Variants in CACNA1E observed in about 807,000 individuals in gnomAD.
CACNA1E encodes the protein calcium voltage-gated channel subunit alpha1 E.
In CACNA1E, 40 loss-of-function variants were observed where a neutral mutation model predicts 259.2. The ratio of observed to expected loss-of-function variants is 0.15; its 90% CI spans 0.12 to 0.20. The LOEUF (loss-of-function observed/expected upper bound fraction) is 0.20. Among genes scored for constraint, CACNA1E ranks in the 10% least tolerant of loss-of-function variants. The pLI, the probability that CACNA1E is intolerant of heterozygous loss-of-function variation, is 1.00. For synonymous variants in CACNA1E, 1,104 were observed against 1,138.5 expected (o/e 0.97, Z 0.61); for missense variants, 1,874 against 3,040.1 (o/e 0.62, Z 9.02).
intron 1 of CACNA1E, among the ~76,000 whole-genome samples, chr1:181,489,513 A>G (rs1664133095): frequency 1.3e-5 from 2 of 152,148 alleles, no homozygotes; most frequent in South Asian, 4.1e-4. Flanking sequence ...GAAGCTGGGG[A>G]GAAATCTTGT....
At chr1:181,654,791 TG>T (rs1328371223) in intron 7 of CACNA1E, among the ~76,000 whole-genome samples, 1 of 152,094 alleles carries the variant, frequency 6.6e-6, no homozygotes, top group Non-Finnish European at 1.5e-5. Flanking sequence ...GAGACCATCC[TG>T]GCTAACACAG....
At chr1:181,467,958 A>G (rs1662255094) in intron 2 of CACNA1E, among the ~76,000 whole-genome samples, 1 of 152,196 alleles carries the variant, frequency 6.6e-6, no homozygotes, top group Non-Finnish European at 1.5e-5. Flanking sequence ...CTACAGTGCA[A>G]GGGCATCCCC....
intron 2 of CACNA1E, among the ~76,000 whole-genome samples, chr1:181,452,970 T>C (rs971709819): frequency 3.3e-5 from 5 of 152,218 alleles, no homozygotes; most frequent in African/African-American, 1.2e-4. Context: ...CAGACATGCA[T>C]TGTTGCTGAC....
intron 15 of CACNA1E, 84 bp downstream of exon 15, chr1:181,720,939 A>G (rs1477625725): frequency 2.2e-6 from 2 of 907,740 alleles, no homozygotes; most frequent in Non-Finnish European, 1.8e-6. Flanking sequence ...TTTCAGGATA[A>G]TTCTGCTTTT....
rs1444775752 is a variant in CACNA1E, at chr1:181,776,629, TTC to T, written c.5267+405_5267+406del. Reference sequence around the variant, plus strand: ...GGCCACCATGATCAGTGACTGTGTTTTCTCTTTCTCGTTCCTCTCAACAGATA... The same window carrying T: ...GGCCACCATGATCAGTGACTGTGTTTTCTTTCTCGTTCCTCTCAACAGATA... On this transcript the variant is annotated intron_variant, in intron 38 of 47. Transcript: ENST00000367573. The surrounding 1 kb of genome is among the most constrained non-coding windows in gnomAD (Gnocchi z 4.4). Among the ~76,000 whole-genome samples, 1 of 152,276 alleles carries T rather than the reference TTC, an allele frequency of 6.6e-6. No homozygotes were observed. The highest frequency in any genetic ancestry group is 2.1e-4 in the South Asian group (1 of 4,834).
rs148829408 is a variant in CACNA1E at position 181,553,903 on chromosome 1, G to A, written c.513-23863G>A. Among the ~76,000 whole-genome samples the A allele has an allele frequency of 7.9e-5, 12 of 152,274 alleles. No individual in the cohort carries two copies. In the East Asian group the frequency reaches 2.1e-3, roughly 27 times the overall value. On this transcript the variant is annotated intron_variant, in intron 3 of 47. Coordinates refer to ENST00000367573, the MANE Select transcript of CACNA1E (RefSeq NM_001205293.3). ...TTGATATAGTCACTGGTATTTTGAGGTGATTGCTATCATTATCATGATCTT... is the reference window on the plus strand; with the variant it reads ...TTGATATAGTCACTGGTATTTTGAGATGATTGCTATCATTATCATGATCTT...
Position 181,484,030 on chromosome 1 carries a change from A to G in CACNA1E, c.266+20A>G, listed in dbSNP as rs1663552781. The G allele has an allele frequency of 3.1e-6, 5 of 1,607,838 alleles. No individual in the cohort carries two copies. The highest frequency in any genetic ancestry group is 1.7e-5 in the Admixed American group (1 of 59,842). ...TTGGCCATATCCTTTCTTGCCCACC[A>G]TAACTCCCTCTCCCCCTTTGCATTT... is the stretch of plus-strand genomic sequence containing the variant. On this transcript the variant is annotated intron_variant, in intron 1 of 47. Coordinates refer to ENST00000367573, the MANE Select transcript of CACNA1E (RefSeq NM_001205293.3).
At chr1:181,605,827 A>G (rs1654183273) in intron 6 of CACNA1E, among the ~76,000 whole-genome samples, 2 of 152,140 alleles carry the variant, frequency 1.3e-5, no homozygotes, top group African/African-American at 2.4e-5. Flanking sequence ...CCGGCTTTAC[A>G]TGGTAGGTAT....
intron 1 of CACNA1E, among the ~76,000 whole-genome samples, chr1:181,393,190 G>A (rs1656418227): frequency 6.6e-6 from 1 of 152,158 alleles, no homozygotes; most frequent in Non-Finnish European, 1.5e-5. Context: ...AGGCTGCCGG[G>A]GTTCAAATCC....
At chr1:181,363,718 G>T (rs1156935253) in intron 1 of CACNA1E, among the ~76,000 whole-genome samples, 2 of 152,156 alleles carry the variant, frequency 1.3e-5, no homozygotes, top group Admixed American at 6.5e-5. Context: ...AGACTCCCCT[G>T]GTCTCTGGCT....
At chr1:181,565,335 G>A (rs1574781) in intron 3 of CACNA1E, among the ~76,000 whole-genome samples, 30,796 of 152,196 alleles carry the variant, frequency 0.2, 3,602 homozygotes, top group South Asian at 0.38. Flanking sequence ...CTTGGGAATT[G>A]CAGAAATAGG....
chr1:181,638,167 A>C (rs931935084), intron 6 of CACNA1E, among the ~76,000 whole-genome samples: 2 of 152,202 alleles, frequency 1.3e-5, no homozygotes, highest in Non-Finnish European at 2.9e-5. Flanking sequence ...CCACTTTACA[A>C]GATCTCCCTG....
intron 36 of CACNA1E, 41 bp downstream of exon 36, chr1:181,771,425 TGGAG>T (rs1396336848): frequency 2.8e-6 from 3 of 1,058,844 alleles, no homozygotes; most frequent in East Asian, 2.5e-5. Context: ...GTTCTCCTGA[TGGAG>T]GGAGAGAGAG....
In CACNA1E at chr1:181,717,274, C is replaced by A; in HGVS notation, c.1497C>A (p.Asn499Lys). Residue 499 changes from asparagine to lysine, a missense_variant, in exon 11 of 48, where the codon AAC becomes AAA. Transcript: ENST00000367573. ...CCTGTGTGGCCATTGTCCATCACAACCAGCCCCAGTGGCTCACCCACCTCC... is the reference window on the plus strand; with the variant it reads ...CCTGTGTGGCCATTGTCCATCACAAACAGCCCCAGTGGCTCACCCACCTCC... ...NTACVAIVHH[N>K]QPQWLTHLLY... 6.2e-7 allele frequency: 1 copy of A among 1,613,806 alleles called. No individual in the cohort carries two copies. Among genetic ancestry groups the A allele is most frequent in the Non-Finnish European group, 8.5e-7 (1 of 1,179,844 alleles).
At chr1:181,789,735 A>G (rs1661132956) in intron 43 of CACNA1E, among the ~76,000 whole-genome samples, 2 of 152,236 alleles carry the variant, frequency 1.3e-5, no homozygotes, top group Admixed American at 6.5e-5. Flanking sequence ...AGTACTAGAC[A>G]GTGGTTTAAT....
chr1:181,579,712 C>T (rs909257862), intron 5 of CACNA1E, among the ~76,000 whole-genome samples: 4 of 152,206 alleles, frequency 2.6e-5, no homozygotes, highest in African/African-American at 9.6e-5. Flanking sequence ...CTTTGTACAG[C>T]AGCCTCTGAC....
At chr1:181,632,842 A>G (rs1656870679) in intron 6 of CACNA1E, among the ~76,000 whole-genome samples, 1 of 152,230 alleles carries the variant, frequency 6.6e-6, no homozygotes, top group Non-Finnish European at 1.5e-5. Context: ...TGGAGGAAAC[A>G]TAAAGACATT....
At chr1:181,446,669 C>G (rs184858845) in intron 2 of CACNA1E, among the ~76,000 whole-genome samples, 438 of 152,330 alleles carry the variant, frequency 2.9e-3, no homozygotes, top group Non-Finnish European at 4.8e-3. Context: ...GCTGTCTGCT[C>G]AATCCCATTA....
At chr1:181,425,796 G>C (rs1659141973) in intron 2 of CACNA1E, among the ~76,000 whole-genome samples, 1 of 152,018 alleles carries the variant, frequency 6.6e-6, no homozygotes, top group African/African-American at 2.4e-5. Context: ...GAAGCCTGTA[G>C]CAGGGAGGGA....
Sources: gnomAD v4.1 joint callset for allele counts (sites outside exome capture counted in the v4.1 genomes callset) on GRCh38, gnomAD v4.1.1 for gene constraint, Gnocchi (gnomAD v3.1) non-coding constraint, MANE v1.5 for transcripts, NCBI Gene and HGNC (gene_info 2026-07-23, HGNC 2026-07-21) for gene names.